EDNRB: variants seen among roughly 807,000 people sequenced by gnomAD.
EDNRB encodes Hirschsprung disease 2.
Under a neutral mutation model 46.4 loss-of-function variants are expected in EDNRB, and 18 were observed. That is an observed-to-expected ratio of 0.39 (90% CI 0.27 to 0.57). EDNRB has a LOEUF of 0.57. EDNRB is among the 20% of genes least tolerant of loss of function. The probability of loss-of-function intolerance (pLI) is 0.61; values close to 1 mark genes in which losing one functional copy is unlikely to be tolerated. For missense variants in EDNRB, 434 were observed against 537.5 expected, an observed-to-expected ratio of 0.81 and a Z score of 1.90; for synonymous variants, 213 against 204.9, an observed-to-expected ratio of 1.04 and a Z score of -0.34.
chr13:77,944,380 C>CT (rs1429889582), intron 1 of EDNRB, among the ~76,000 whole-genome samples: 1 of 152,074 alleles, frequency 6.6e-6, no homozygotes, highest in Non-Finnish European at 1.5e-5. Context: ...CCTATAAACT[C>CT]TGAGTTTATA....
At chr13:77,939,570 C>T (rs1485147447) in intron 1 of EDNRB, 2 of 152,128 alleles carry the variant, frequency 1.3e-5, no homozygotes, top group Non-Finnish European at 2.9e-5. Context: ...TCCATGATGC[C>T]TATCTTAAAA....
At chr13:77,938,226 G>A (rs1441635003) in intron 1 of EDNRB, among the ~76,000 whole-genome samples, 1 of 152,044 alleles carries the variant, frequency 6.6e-6, no homozygotes, top group Non-Finnish European at 1.5e-5. Context: ...AGAGGGAAAG[G>A]GTCCGGGGGT....
intron 1 of EDNRB, among the ~76,000 whole-genome samples, chr13:77,934,830 C>A (rs894807500): frequency 6.6e-6 from 1 of 152,052 alleles, no homozygotes; most frequent in African/African-American, 2.4e-5. Context: ...CATAGCCTGG[C>A]TTTGCTGGTG....
At position 77,898,194 on chromosome 13, in the gene EDNRB, C is replaced by G. The variant is rs781714008; in HGVS notation, c.*6G>C. ...AGAAAATGAAATACAGTGAATAGTT[C>G]TTCTTTCAAGATGAGCTGTATTTAT... On this transcript the variant is annotated 3_prime_UTR_variant, in exon 7 of 7. Coordinates refer to ENST00000646607, the MANE Select transcript of EDNRB (RefSeq NM_001122659.3). The G allele has an allele frequency of 6.2e-7, 1 of 1,610,574 alleles. No individual in the cohort carries two copies. The highest frequency in any genetic ancestry group is 8.5e-7 in the Non-Finnish European group (1 of 1,178,174).
chr13:77,967,767 G>T (rs964699686), intron 1 of EDNRB, among the ~76,000 whole-genome samples: 1 of 152,076 alleles, frequency 6.6e-6, no homozygotes, highest in South Asian at 2.1e-4. Context: ...CCTCACTCAG[G>T]TTTCCATTAT....
At chr13:77,973,645 ATTC>A (rs1305295361) in intron 1 of EDNRB, among the ~76,000 whole-genome samples, 1 of 152,060 alleles carries the variant, frequency 6.6e-6, no homozygotes, top group Non-Finnish European at 1.5e-5. Context: ...CCTCCTTATA[ATTC>A]TTCTATTAAA....
In EDNRB at chr13:77,959,294, TA is replaced by T. The variant is rs534946847; in HGVS notation, c.-52+16052del. ...AACCTAATGGGGAGGCACCCCTCAG[TA>T]GGGGCAGAATGACACCTCACATGGC... is the stretch of plus-strand genomic sequence containing the variant. On this transcript the variant is annotated intron_variant, in intron 1 of 7. Transcript: ENST00000646948. 2.2e-4 allele frequency among the ~76,000 whole-genome samples: 33 copies of T among 152,162 alleles called. No homozygotes were observed. In the East Asian group the frequency reaches 6.4e-3, roughly 29 times the overall value.
intron 1 of EDNRB, among the ~76,000 whole-genome samples, chr13:77,936,000 T>C (rs1880550794): frequency 6.6e-6 from 1 of 152,206 alleles, no homozygotes; most frequent in Admixed American, 6.5e-5. Flanking sequence ...TTATAGGCTT[T>C]AAAAGGCCAT....
At chr13:77,902,579 C>A (rs1879051562) in intron 3 of EDNRB, among the ~76,000 whole-genome samples, 1 of 151,908 alleles carries the variant, frequency 6.6e-6, no homozygotes, top group African/African-American at 2.4e-5. Flanking sequence ...TGTAACTGTC[C>A]TTCCCGCTGA....
chr13:77,912,943 G>T (rs572939121), intron 1 of EDNRB, among the ~76,000 whole-genome samples: 1 of 152,146 alleles, frequency 6.6e-6, no homozygotes, highest in South Asian at 2.1e-4. Flanking sequence ...TGCTATATAT[G>T]CATATGCTTC....
chr13:77,965,472 G>A (rs1881555034), intron 1 of EDNRB, among the ~76,000 whole-genome samples: 1 of 152,192 alleles, frequency 6.6e-6, no homozygotes, highest in East Asian at 1.9e-4. Context: ...GTGGAGAGCA[G>A]AAAGATATGG....
chr13:77,927,226 G>A (rs371352535), intron 1 of EDNRB, among the ~76,000 whole-genome samples: 29 of 152,224 alleles, frequency 1.9e-4, no homozygotes, highest in African/African-American at 6.5e-4. Flanking sequence ...GCATCACTGT[G>A]GGATCATTGA....
intron 1 of EDNRB, among the ~76,000 whole-genome samples, chr13:77,926,060 T>C (rs1880227699): frequency 6.6e-6 from 1 of 152,230 alleles, no homozygotes; most frequent in Non-Finnish European, 1.5e-5. Context: ...CCCTTTGTTT[T>C]GGTCAATTTC....
exon 1 of EDNRB, chr13:77,975,386 C>T (rs535883700): frequency 6.6e-6 from 1 of 152,346 alleles, no homozygotes; most frequent in Non-Finnish European, 1.5e-5. Flanking sequence ...CAGTTCCTTC[C>T]CAGTGTTCAG....
intron 1 of EDNRB, among the ~76,000 whole-genome samples, chr13:77,949,677 G>A (rs141990120): frequency 6.2e-4 from 94 of 152,160 alleles, no homozygotes; most frequent in Non-Finnish European, 1.1e-3. Context: ...AGTCTTGAAG[G>A]CCAAATATGA....
rs559770511 is a variant in EDNRB at position 77,968,763 on chromosome 13, G to A, written c.-52+6584C>T. On this transcript the variant is annotated intron_variant, in intron 1 of 7. Coordinates refer to the EDNRB transcript ENST00000646948. ...ATTGGTGATTTCAAATCATACTCACGTCTTCTGCCTCCTGAGCTGGTTCTG... is the reference window on the plus strand; with the variant it reads ...ATTGGTGATTTCAAATCATACTCACATCTTCTGCCTCCTGAGCTGGTTCTG... Among the ~76,000 whole-genome samples, 11 of 152,260 alleles carry A rather than the reference G, an allele frequency of 7.2e-5. No individual in the cohort carries two copies. The East Asian group carries it at 7.7e-4, about 11-fold the overall frequency.
At chr13:77,941,397 G>A (rs766683895) in intron 1 of EDNRB, among the ~76,000 whole-genome samples, 5 of 151,972 alleles carry the variant, frequency 3.3e-5, no homozygotes, top group Non-Finnish European at 5.9e-5. Context: ...TCTGTTCTGA[G>A]GAAATAAATG....
intron 1 of EDNRB, among the ~76,000 whole-genome samples, chr13:77,958,054 C>T (rs1320004348): frequency 6.6e-6 from 1 of 152,190 alleles, no homozygotes; most frequent in African/African-American, 2.4e-5. Flanking sequence ...AGCTGGGCTT[C>T]CTATTTTGGA....
At chr13:77,919,390 T>A, upstream of EDNRB, 1 of 1,607,792 alleles carries the variant, frequency 6.2e-7, no homozygotes, top group Non-Finnish European at 8.5e-7. Context: ...CAAGCCCGAA[T>A]GTTTACCTCT....
Sources: allele counts gnomAD v4.1 joint callset (sites outside exome capture counted in the v4.1 genomes callset), GRCh38; gene constraint gnomAD v4.1.1; transcripts MANE v1.5; gene names NCBI Gene and HGNC (gene_info 2026-07-23, HGNC 2026-07-21).